The following GTF3C1 variants were observed in gnomAD, a reference collection of about 807,000 sequenced individuals.
GTF3C1 encodes general transcription factor IIIC subunit 1.
Under a neutral mutation model 226.7 loss-of-function variants are expected in GTF3C1, and 57 were observed. The ratio of observed to expected loss-of-function variants is 0.25; its 90% CI spans 0.20 to 0.31. GTF3C1 has a LOEUF of 0.31. Ranked by LOEUF, GTF3C1 falls within the 10% of genes least tolerant of loss-of-function variation. GTF3C1 has a pLI of 1.00. For synonymous variants in GTF3C1, 1,090 were observed against 1,084.8 expected, an observed-to-expected ratio of 1.00 and a Z score of -0.09; for missense variants, 2,217 against 2,776.1, an observed-to-expected ratio of 0.80 and a Z score of 4.53.
At chr16:27,538,436 G>T in intron 2 of GTF3C1, 80 bp from the exon 3 acceptor site, 1 of 859,334 alleles carries the variant, frequency 1.2e-6, no homozygotes, top group Non-Finnish European at 1.8e-6. Context: ...GAAATGTGCA[G>T]AATCCTCATT....
At position 27,511,845 on chromosome 16, in the gene GTF3C1, G is replaced by A; in HGVS notation, c.1030C>T (p.His344Tyr). 2 of 1,614,120 alleles carry A rather than the reference G, an allele frequency of 1.2e-6. No individual in the cohort carries two copies. The highest frequency in any genetic ancestry group is 8.5e-7 in the Non-Finnish European group (1 of 1,180,024). ...ACCTCCTCGTCCTCGTCATCATCAT[G>A]GTCATTCCGTTTAAATTCCTTCAGC... ...KLLKEFKRND[H>Y]DDDEDEEVIS... The change falls in exon 7 of 37, where the codon CAT becomes TAT. Residue 344 changes from histidine to tyrosine, a missense_variant. This residue lies in a region of GTF3C1 where 163 missense variants were observed against 234.3 expected (regional missense o/e 0.70). Coordinates refer to ENST00000356183, the MANE Select transcript of GTF3C1 (RefSeq NM_001520.4).
chr16:27,497,852 C>A (rs761184041), intron 13 of GTF3C1, 31 bp from the exon 14 acceptor site: 1 of 1,558,722 alleles, frequency 6.4e-7, no homozygotes, highest in Non-Finnish European at 8.8e-7. Flanking sequence ...CAATAATGTA[C>A]TGAGAAAATC....
intron 2 of GTF3C1, among the ~76,000 whole-genome samples, chr16:27,538,971 TACACAC>T (rs59679436): frequency 9.1e-4 from 114 of 124,616 alleles, no homozygotes; most frequent in African/African-American, 2.5e-3. Context: ...TACACACATA[TACACAC>T]ACACACACAC....
rs770782191 is a variant in GTF3C1, at chr16:27,505,983, G to T, written c.1686C>A (p.Pro562=). ...CACAGTGGGAGACAAAGGACACGTT[G>T]GGTTCTGAGACGCTGCTGGTATCTA... is the stretch of plus-strand genomic sequence containing the variant. ...SLLDTSSVSE[P]NVSFVSHCAD... The change falls in exon 10 of 37, where the codon CCC becomes CCA. Residue 562 remains proline, a synonymous_variant. Coordinates refer to ENST00000356183, the MANE Select transcript of GTF3C1 (RefSeq NM_001520.4). The T allele has an allele frequency of 2.7e-5, 43 of 1,613,244 alleles. No individual in the cohort carries two copies. Among genetic ancestry groups the T allele is most frequent in the Non-Finnish European group, 3.6e-5 (42 of 1,179,144 alleles).
At position 27,463,384 on chromosome 16, in the gene GTF3C1, C is replaced by T. The variant is rs1255497485; in HGVS notation, c.5924+157G>A. ...CAGCACGCCTGCTGCTCGCCCACTG[C>T]GCCCCTCCAAGTACCCCTGCCAAGA... On this transcript the variant is annotated intron_variant, in intron 35 of 36. Coordinates refer to ENST00000356183, the MANE Select transcript of GTF3C1 (RefSeq NM_001520.4). The surrounding 1 kb of genome is among the most constrained non-coding windows in gnomAD (Gnocchi z 4.9). 15 of 663,782 alleles carry T rather than the reference C, an allele frequency of 2.3e-5. No individual in the cohort carries two copies. Among genetic ancestry groups the T allele is most frequent in the Non-Finnish European group, 3.5e-5 (13 of 371,202 alleles). 41.1% of individuals were successfully genotyped at this position (663,782 alleles called of 1,614,324 possible). A position where few individuals can be genotyped will look rare whatever the true frequency, so the allele number is the denominator to read the frequency against.
At chr16:27,485,735 G>A (rs1468754102) in intron 24 of GTF3C1, among the ~76,000 whole-genome samples, 1 of 152,256 alleles carries the variant, frequency 6.6e-6, no homozygotes, top group Non-Finnish European at 1.5e-5. Flanking sequence ...CCAGGACTAT[G>A]AGAGGCTGAG....
At position 27,462,424 on chromosome 16, in the gene GTF3C1, A is replaced by G. The variant is rs201887624; in HGVS notation, c.5987T>C (p.Leu1996Pro). The part of the protein sequence containing the change: ...PWRVVDGHLN[L>P]PVCKGMMEAM... ...CTCCATCATACCCTTGCATACAGGA[A>G]GGTTCAGGTGGCCATCCACGACACG... The change falls in exon 36 of 37, where the codon CTT becomes CCT. Residue 1996 changes from leucine (L) to proline (P), a missense_variant. Physicochemically the swap from Leu to Pro is moderately conservative, Grantham distance 98. This residue lies in a region of GTF3C1 where 153 missense variants were observed against 199.8 expected (regional missense o/e 0.77). Transcript: ENST00000356183. The surrounding 1 kb of genome is among the most constrained non-coding windows in gnomAD (Gnocchi z 4.5). The G allele has an allele frequency of 4.8e-5, 78 of 1,613,274 alleles. No individual in the cohort carries two copies. The highest frequency in any genetic ancestry group is 1.6e-4 in the Middle Eastern group (1 of 6,078).
Position 27,471,517 on chromosome 16 carries a change from C to T in GTF3C1, c.4526+231G>A, listed in dbSNP as rs1463013992. On this transcript the variant is annotated intron_variant, in intron 30 of 36. Transcript: ENST00000356183. This position sits in a 1 kb window ranked among gnomAD's most constrained non-coding sequence, Gnocchi z 5.0. ...TGACGAGAGAAACGGAAACAAACCA[C>T]CTGCAAAATGGTAACGCCGCCAACA... is the stretch of plus-strand genomic sequence containing the variant. 1 of 507,826 alleles carries T rather than the reference C, an allele frequency of 2.0e-6. No homozygotes were observed. Among genetic ancestry groups the T allele is most frequent in the African/African-American group, 1.9e-5 (1 of 52,366 alleles). 31.5% of individuals were successfully genotyped at this position (507,826 alleles called of 1,614,324 possible). A position where few individuals can be genotyped will look rare whatever the true frequency, so the allele number is the denominator to read the frequency against.
At chr16:27,501,681 C>T (rs1419659464) in intron 11 of GTF3C1, among the ~76,000 whole-genome samples, 1 of 152,188 alleles carries the variant, frequency 6.6e-6, no homozygotes, top group Non-Finnish European at 1.5e-5. Flanking sequence ...AATCTAACAC[C>T]CAGATAAGGG....
At chr16:27,488,963 G>A in intron 21 of GTF3C1, 80 bp downstream of exon 21, 1 of 1,314,110 alleles carries the variant, frequency 7.6e-7, no homozygotes, top group South Asian at 1.2e-5. Context: ...CAGTATTTGT[G>A]TCTCTGGTCA....
rs1167445586 is a variant in GTF3C1 at position 27,528,625 on chromosome 16, C to T, written c.946G>A (p.Glu316Lys). 1 of 1,611,328 alleles carries T rather than the reference C, an allele frequency of 6.2e-7. No homozygotes were observed. The highest frequency in any genetic ancestry group is 1.3e-5 in the African/African-American group (1 of 74,872). The change falls in exon 6 of 37, where the codon GAA (glutamate) becomes AAA (lysine). Residue 316 changes from glutamate to lysine, a missense_variant. Physicochemically the swap from Glu to Lys is moderately conservative, Grantham distance 56. This residue lies in a region of GTF3C1 where 163 missense variants were observed against 234.3 expected (regional missense o/e 0.70). Coordinates refer to ENST00000356183, the MANE Select transcript of GTF3C1 (RefSeq NM_001520.4). ...TTCTTTGTCTTACAAGGTCCACATT[C>T]AGGGTGGATCTCTTGCAAGCGAAGA... is the stretch of plus-strand genomic sequence containing the variant. ...VSLRLQEIHP[E>K]CGPCKTKKGT...
At chr16:27,513,360 G>A (rs1396301720) in intron 6 of GTF3C1, among the ~76,000 whole-genome samples, 1 of 152,174 alleles carries the variant, frequency 6.6e-6, no homozygotes, top group African/African-American at 2.4e-5. Context: ...AGGCTGAAGT[G>A]AGAGGATTGC....
At chr16:27,494,688 TGCCCAGGTGAGTGTAGGCCCTCCA>T in intron 16 of GTF3C1, 51 bp downstream of exon 16, 1 of 1,086,932 alleles carries the variant, frequency 9.2e-7, no homozygotes, top group Non-Finnish European at 1.4e-6. Flanking sequence ...TATCCTCCCT[TGCCCAGGTGAGTGTAGGCCCTCCA>T]GCCCAGAGCT....
In GTF3C1 at chr16:27,497,841, G is replaced by C; in HGVS notation, c.2166-20C>G. On this transcript the variant is annotated intron_variant, in intron 13 of 36. Transcript: ENST00000356183. ...TTAACCCTGCAGTTCAAATAAACAT[G>C]CAATAATGTACTGAGAAAATCAAGG... The C allele has an allele frequency of 6.3e-7, 1 of 1,594,168 alleles. No homozygotes were observed. Among genetic ancestry groups the C allele is most frequent in the South Asian group, 1.1e-5 (1 of 90,188 alleles).
At chr16:27,527,642 C>G (rs895303326) in intron 6 of GTF3C1, among the ~76,000 whole-genome samples, 1 of 152,120 alleles carries the variant, frequency 6.6e-6, no homozygotes, top group South Asian at 2.1e-4. Context: ...ACAATGCCAC[C>G]AACCTTACAG....
rs1444461226 is a variant in GTF3C1, at chr16:27,495,629, A to G, written c.2351-137T>C. 2.9e-5 allele frequency: 22 copies of G among 759,568 alleles called. No individual in the cohort carries two copies. The Admixed American group carries it at 6.2e-4, about 21-fold the overall frequency. 47.1% of individuals were successfully genotyped at this position (759,568 alleles called of 1,614,324 possible). ...AAATATTCTTACTGTCTTAGAGCTT[A>G]CTTTCTAATGGGCAAGAACGGATAA... On this transcript the variant is annotated intron_variant, in intron 14 of 36. Coordinates refer to ENST00000356183, the MANE Select transcript of GTF3C1 (RefSeq NM_001520.4).
At position 27,493,696 on chromosome 16, in the gene GTF3C1, T is replaced by C. The variant is rs369545562; in HGVS notation, c.2779-400A>G. ...AAAAAATGCTGGAGCCGCCAATCTA[T>C]GTCTACCCAAAAGGTATTCATCAAC... On this transcript the variant is annotated intron_variant, in intron 16 of 36. Coordinates refer to ENST00000356183, the MANE Select transcript of GTF3C1 (RefSeq NM_001520.4). Among the ~76,000 whole-genome samples the C allele has an allele frequency of 3.2e-4, 48 of 152,348 alleles. 1 individual carries two copies. Among genetic ancestry groups the C allele is most frequent in the African/African-American group, 8.7e-4 (36 of 41,574 alleles).
chr16:27,543,440 G>A (rs1859532361), intron 2 of GTF3C1, among the ~76,000 whole-genome samples: 1 of 152,124 alleles, frequency 6.6e-6, no homozygotes, highest in South Asian at 2.1e-4. Flanking sequence ...GTCCAGACCG[G>A]AATGTGGTGG....
At chr16:27,546,457 A>G (rs1390856737) in intron 1 of GTF3C1, among the ~76,000 whole-genome samples, 1 of 145,582 alleles carries the variant, frequency 6.9e-6, no homozygotes, top group African/African-American at 2.6e-5. Flanking sequence ...TCATGCAGTT[A>G]GCCAAGCTTG....
Sources: gnomAD v4.1 joint callset for allele counts (sites outside exome capture counted in the v4.1 genomes callset) on GRCh38, gnomAD v4.1.1 for gene constraint, gnomAD v4.1.1 regional missense constraint, Gnocchi (gnomAD v3.1) non-coding constraint, MANE v1.5 for transcripts, NCBI Gene and HGNC (gene_info 2026-07-23, HGNC 2026-07-21) for gene names.